SDK1: variants seen among roughly 807,000 people sequenced by gnomAD.
The protein encoded by SDK1 is protein sidekick-1.
Under a neutral mutation model 245.5 loss-of-function variants are expected in SDK1, and 157 were observed. The ratio of observed to expected loss-of-function variants is 0.64; its 90% CI spans 0.56 to 0.73. The LOEUF (loss-of-function observed/expected upper bound fraction) is 0.73. Ranked by LOEUF, SDK1 falls within the 30% of genes least tolerant of loss-of-function variation. The probability of loss-of-function intolerance (pLI) is 0.00; values close to 1 mark genes in which losing one functional copy is unlikely to be tolerated. For synonymous variants in SDK1, 1,647 were observed against 1,278.5 expected, an observed-to-expected ratio of 1.29 and a Z score of -6.15; for missense variants, 3,583 against 3,002.3, an observed-to-expected ratio of 1.19 and a Z score of -4.52.
intron 17 of SDK1, among the ~76,000 whole-genome samples, chr7:4,047,190 T>TA (rs1181619021): frequency 1.3e-5 from 2 of 152,316 alleles, no homozygotes; most frequent in Admixed American, 1.3e-4. Context: ...TTTTCTTTTT[T>TA]AAAAAATCAC....
chr7:4,193,193 A>C (rs1253421348), intron 35 of SDK1, among the ~76,000 whole-genome samples: 1 of 133,504 alleles, frequency 7.5e-6, no homozygotes, highest in African/African-American at 2.9e-5. Flanking sequence ...TAAATATATT[A>C]ATATATTTAT....
intron 1 of SDK1, among the ~76,000 whole-genome samples, chr7:3,551,869 G>T (rs1779426468): frequency 6.6e-6 from 1 of 151,880 alleles, no homozygotes; most frequent in African/African-American, 2.4e-5. Context: ...TGTTTTTAAG[G>T]AACAATTTTC....
chr7:3,322,009 G>GTT (rs75658453), intron 1 of SDK1, among the ~76,000 whole-genome samples: 165 of 142,132 alleles, frequency 1.2e-3, no homozygotes, highest in Middle Eastern at 3.6e-3. Context: ...TCTTTCTAAA[G>GTT]TTTTTTTTTT....
At chr7:3,626,543 C>T (rs1390637192) in intron 2 of SDK1, among the ~76,000 whole-genome samples, 2 of 152,230 alleles carry the variant, frequency 1.3e-5, no homozygotes, top group Non-Finnish European at 2.9e-5. Flanking sequence ...GGCCCAGGCC[C>T]TCATCTCACC....
chr7:3,454,388 T>TTTTGTGTGTGTGTG (rs71552305), intron 1 of SDK1, among the ~76,000 whole-genome samples: 6 of 141,686 alleles, frequency 4.2e-5, no homozygotes, highest in Non-Finnish European at 6.1e-5. Flanking sequence ...TCCCCAAGAT[T>TTTTGTGTGTGTGTG]TGTGTGTGTG....
intron 4 of SDK1, among the ~76,000 whole-genome samples, chr7:3,728,415 C>G (rs761424248): frequency 3.3e-5 from 5 of 152,162 alleles, no homozygotes; most frequent in Non-Finnish European, 7.3e-5. Context: ...GGAAGGAAGG[C>G]GGGATGTGCT....
chr7:3,485,800 G>A (rs1781677318), intron 1 of SDK1, among the ~76,000 whole-genome samples: 2 of 147,902 alleles, frequency 1.4e-5, no homozygotes, highest in Middle Eastern at 3.7e-3. Context: ...ACGTAAGTGT[G>A]TTTTCTTATT....
rs73672154 is a variant in SDK1, at chr7:3,711,242, A to C, written c.713+69137A>C. 4.8e-3 allele frequency among the ~76,000 whole-genome samples: 728 copies of C among 152,298 alleles called. 9 individuals are homozygous for C. Among genetic ancestry groups the C allele is most frequent in the African/African-American group, 0.016 (679 of 41,570 alleles). On this transcript the variant is annotated intron_variant, in intron 4 of 44. Coordinates refer to ENST00000404826, the MANE Select transcript of SDK1 (RefSeq NM_152744.4). ...TCTTCTTCTCTTTAAAGTGAGAATA[A>C]TCTTCTTTAATTTTGGAGACTGTGC...
At chr7:4,019,019 C>G (rs1003457910) in intron 17 of SDK1, among the ~76,000 whole-genome samples, 3 of 152,134 alleles carry the variant, frequency 2.0e-5, no homozygotes, top group Non-Finnish European at 4.4e-5. Flanking sequence ...AGGGTTGTGC[C>G]TTCCAGCAAC....
intron 5 of SDK1, among the ~76,000 whole-genome samples, chr7:3,918,931 G>A (rs1036257142): frequency 6.6e-6 from 1 of 152,144 alleles, no homozygotes; most frequent in African/African-American, 2.4e-5. Context: ...TTTTCAGATT[G>A]ATGTGTTACC....
intron 4 of SDK1, among the ~76,000 whole-genome samples, chr7:3,729,377 A>G (rs906564470): frequency 1.3e-5 from 2 of 152,132 alleles, no homozygotes; most frequent in East Asian, 1.9e-4. Context: ...AGCCTAGACT[A>G]TTGGTCGAGG....
chr7:4,047,017 G>A (rs1347610824), intron 17 of SDK1, among the ~76,000 whole-genome samples: 2 of 152,010 alleles, frequency 1.3e-5, no homozygotes, highest in African/African-American at 4.8e-5. Flanking sequence ...TCCTTCATTC[G>A]TGTTTTGTAG....
intron 5 of SDK1, among the ~76,000 whole-genome samples, chr7:3,847,372 A>G (rs1042255253): frequency 5.3e-5 from 8 of 152,104 alleles, no homozygotes; most frequent in Non-Finnish European, 1.5e-5. Context: ...AAATGGCCAG[A>G]TTTTCCTGAT....
intron 35 of SDK1, among the ~76,000 whole-genome samples, chr7:4,182,633 A>G (rs1782664227): frequency 6.6e-6 from 1 of 152,186 alleles, no homozygotes; most frequent in Non-Finnish European, 1.5e-5. Context: ...AGGAGGGAGA[A>G]GGAACCTATG....
intron 5 of SDK1, among the ~76,000 whole-genome samples, chr7:3,945,127 A>C (rs1000888643): frequency 5.9e-5 from 9 of 152,210 alleles, no homozygotes; most frequent in Non-Finnish European, 1.2e-4. Flanking sequence ...AACAAACAAC[A>C]AAAACAGTCT....
intron 4 of SDK1, among the ~76,000 whole-genome samples, chr7:3,705,476 AT>A: frequency 7.9e-6 from 1 of 126,680 alleles, no homozygotes; most frequent in East Asian, 2.1e-4. Context: ...ATTTTATTTT[AT>A]TTTATTTTAT....
At chr7:3,346,787 A>ATG (rs1182290051) in intron 1 of SDK1, among the ~76,000 whole-genome samples, 11 of 90,798 alleles carry the variant, frequency 1.2e-4, no homozygotes, top group Middle Eastern at 7.1e-3. Flanking sequence ...ATACATATAT[A>ATG]TGTATGTGTG....
At position 4,014,516 on chromosome 7, in the gene SDK1, C is replaced by CT. The variant is rs1786244345; in HGVS notation, c.2420+2282dup. ...ATCCTCTGGTCTGCACATCAGCTCT[C>CT]TGTTTGCGAGTGTGTATCCTCCAGG... On this transcript the variant is annotated intron_variant, in intron 16 of 44. Coordinates refer to ENST00000404826, the MANE Select transcript of SDK1 (RefSeq NM_152744.4). Among the ~76,000 whole-genome samples the CT allele has an allele frequency of 3.9e-5, 6 of 152,218 alleles. No homozygotes were observed. In the South Asian group the frequency reaches 1.2e-3, roughly 32 times the overall value.
chr7:4,209,989 C>G, intron 37 of SDK1, 36 bp from the exon 38 acceptor site: 1 of 1,516,260 alleles, frequency 6.6e-7, no homozygotes, highest in South Asian at 1.3e-5. Flanking sequence ...TATGTAGGAG[C>G]CCCTGTAAAA....
Sources: allele counts gnomAD v4.1 joint callset (sites outside exome capture counted in the v4.1 genomes callset), GRCh38; gene constraint gnomAD v4.1.1; transcripts MANE v1.5; gene names NCBI Gene and HGNC (gene_info 2026-07-23, HGNC 2026-07-21).